Variants in ANXA8 observed in about 807,000 individuals in gnomAD.
ANXA8 encodes the protein annexin A8, also known as VAC-beta.
ANXA8 carries 9 observed loss-of-function variants against 26.8 expected under a neutral mutation model. The ratio of observed to expected loss-of-function variants is 0.34; its 90% CI spans 0.20 to 0.59. The LOEUF is 0.59. Ranked by LOEUF, ANXA8 falls within the 20% of genes least tolerant of loss-of-function variation. ANXA8 has a pLI of 0.84. For synonymous variants in ANXA8, 39 were observed against 94.8 expected, an observed-to-expected ratio of 0.41 and a Z score of 3.42; for missense variants, 83 against 238.5, an observed-to-expected ratio of 0.35 and a Z score of 4.29.
the ANXA8 span, among the ~76,000 whole-genome samples, chr10:47,572,358 GT>G: frequency 6.9e-6 from 1 of 145,634 alleles, no homozygotes; most frequent in African/African-American, 2.6e-5. Flanking sequence ...GTCACATGCT[GT>G]TAGAAAAGTT....
the ANXA8 span, among the ~76,000 whole-genome samples, chr10:47,954,967 A>G: frequency 1.3e-5 from 2 of 149,802 alleles, no homozygotes; most frequent in Non-Finnish European, 1.5e-5. Flanking sequence ...AGGAGCCCAC[A>G]CAAGAGACTA....
At chr10:47,900,657 G>A in the ANXA8 span, among the ~76,000 whole-genome samples, 1 of 121,514 alleles carries the variant, frequency 8.2e-6, no homozygotes. Flanking sequence ...AAATTATCTT[G>A]ATAAAATGGT....
the ANXA8 span, among the ~76,000 whole-genome samples, chr10:47,561,577 T>C: frequency 6.6e-6 from 1 of 151,890 alleles, no homozygotes; most frequent in East Asian, 1.9e-4. Flanking sequence ...TGGAGGCTTA[T>C]GGTAAGTTAT....
the ANXA8 span, among the ~76,000 whole-genome samples, chr10:47,617,068 G>GA: frequency 7.0e-5 from 5 of 71,590 alleles, 2 homozygotes; most frequent in Non-Finnish European, 1.7e-4. Context: ...ATTACATATA[G>GA]AAAAAATGGT....
chr10:47,649,273 A>T, the ANXA8 span, among the ~76,000 whole-genome samples: 3 of 151,368 alleles, frequency 2.0e-5, no homozygotes, highest in Non-Finnish European at 4.4e-5. Flanking sequence ...CATAAACCCT[A>T]TTTATTTATC....
the ANXA8 span, among the ~76,000 whole-genome samples, chr10:47,626,424 G>A: frequency 6.7e-6 from 1 of 150,228 alleles, no homozygotes. Context: ...CTTTGAGAAA[G>A]TAGATTACTC....
chr10:47,950,779 C>T, the ANXA8 span, among the ~76,000 whole-genome samples: 1 of 150,944 alleles, frequency 6.6e-6, no homozygotes, highest in African/African-American at 2.5e-5. Context: ...ATAATTTTTC[C>T]TAAATAAGAA....
the ANXA8 span, among the ~76,000 whole-genome samples, chr10:47,738,491 T>A: frequency 5.3e-5 from 8 of 149,792 alleles, no homozygotes; most frequent in Non-Finnish European, 8.9e-5. Context: ...AAGAAGAGCA[T>A]GCTTTTTCAA....
chr10:47,627,178 A>T, the ANXA8 span, among the ~76,000 whole-genome samples: 4 of 150,022 alleles, frequency 2.7e-5, no homozygotes, highest in Admixed American at 2.6e-4. Context: ...GGCAAACAGG[A>T]ACAGTAATAA....
chr10:47,648,228 A>G, the ANXA8 span, among the ~76,000 whole-genome samples: 2 of 151,660 alleles, frequency 1.3e-5, no homozygotes, highest in Admixed American at 1.3e-4. Context: ...TTTCTCTAGT[A>G]CCTCCCAATA....
At chr10:47,486,375 A>G (rs1177412203), upstream of ANXA8, among the ~76,000 whole-genome samples, 13 of 143,130 alleles carry the variant, frequency 9.1e-5, no homozygotes, top group African/African-American at 2.8e-4. Context: ...GCACTGAGGC[A>G]CCTGAAAGTT....
the ANXA8 span, among the ~76,000 whole-genome samples, chr10:47,724,056 A>G: frequency 2.2e-5 from 3 of 135,622 alleles, no homozygotes; most frequent in Non-Finnish European, 4.8e-5. Context: ...CACTGCTAAC[A>G]TCTTAGTCCA....
chr10:47,560,543 A>T, the ANXA8 span, among the ~76,000 whole-genome samples: 1 of 151,682 alleles, frequency 6.6e-6, no homozygotes, highest in Non-Finnish European at 1.5e-5. Context: ...TTGCTTTGTA[A>T]TACTTGTTAT....
chr10:47,659,020 C>T, the ANXA8 span, among the ~76,000 whole-genome samples: 25 of 150,714 alleles, frequency 1.7e-4, no homozygotes, highest in African/African-American at 2.2e-4. Flanking sequence ...TACAGGCGCC[C>T]GCCACCACGC....
chr10:47,693,521 AC>A, the ANXA8 span, among the ~76,000 whole-genome samples: 1 of 149,760 alleles, frequency 6.7e-6, no homozygotes, highest in African/African-American at 2.5e-5. Context: ...CGATATCCTC[AC>A]CTCGTGATCC....
the ANXA8 span, chr10:47,491,564 C>T: frequency 2.0e-6 from 3 of 1,481,618 alleles, no homozygotes; most frequent in South Asian, 1.2e-5. Context: ...TGCCCCAGAT[C>T]CCCCCAGCCC....
chr10:47,705,941 G>A, the ANXA8 span, among the ~76,000 whole-genome samples: 1 of 150,618 alleles, frequency 6.6e-6, no homozygotes, highest in African/African-American at 2.4e-5. Flanking sequence ...GGGGGGCGGA[G>A]GCGGCGGGCC....
At chr10:47,502,420 T>G in the ANXA8 span, 3 of 1,610,888 alleles carry the variant, frequency 1.9e-6, no homozygotes, top group African/African-American at 4.1e-5. Context: ...CTCCTCATAT[T>G]TGGAACGGAT....
At chr10:47,724,577 G>C in the ANXA8 span, among the ~76,000 whole-genome samples, 5 of 141,838 alleles carry the variant, frequency 3.5e-5, no homozygotes, top group Non-Finnish European at 3.1e-5. Context: ...CTATCAGAGA[G>C]GCCTTTCCTA....
Sources: gnomAD v4.1 joint callset for allele counts (sites outside exome capture counted in the v4.1 genomes callset) on GRCh38, gnomAD v4.1.1 for gene constraint, MANE v1.5 for transcripts, NCBI Gene and HGNC (gene_info 2026-07-23, HGNC 2026-07-21) for gene names.